The following ARHGEF18 variants were observed in gnomAD, a reference collection of about 807,000 sequenced individuals.
The protein encoded by ARHGEF18 is Rho/Rac guanine nucleotide exchange factor 18, also known as rho guanine nucleotide exchange factor 18.
A neutral mutation model predicts 155.7 loss-of-function variants in ARHGEF18; 93 were observed. The ratio of observed to expected loss-of-function variants is 0.60; its 90% CI spans 0.50 to 0.71. ARHGEF18 has a LOEUF of 0.71. Ranked by LOEUF, ARHGEF18 falls within the 30% of genes least tolerant of loss-of-function variation. The pLI, the probability that ARHGEF18 is intolerant of heterozygous loss-of-function variation, is 0.00. For missense variants in ARHGEF18, 1,593 were observed against 1,816.1 expected (o/e 0.88, Z 2.23); for synonymous variants, 742 against 753.1 (o/e 0.99, Z 0.24).
At chr19:7,409,164 A>T (rs1192232750) in intron 10 of ARHGEF18, among the ~76,000 whole-genome samples, 1 of 137,962 alleles carries the variant, frequency 7.2e-6, no homozygotes, top group Non-Finnish European at 1.5e-5. Flanking sequence ...GGTTCATGCC[A>T]TTCTCCTACC....
intron 2 of ARHGEF18, among the ~76,000 whole-genome samples, chr19:7,369,721 C>A (rs964412248): frequency 6.6e-6 from 1 of 151,950 alleles, no homozygotes; most frequent in Non-Finnish European, 1.5e-5. Context: ...TGTTTGAACC[C>A]GGGAGGCAGA....
intron 10 of ARHGEF18, among the ~76,000 whole-genome samples, chr19:7,390,233 G>A (rs59454828): frequency 0.11 from 17,238 of 152,124 alleles, 1,844 homozygotes; most frequent in African/African-American, 0.28. Context: ...AAGGCTGGGC[G>A]TGGTGGCTTA....
chr19:7,406,150 G>A (rs1054566550), intron 10 of ARHGEF18, among the ~76,000 whole-genome samples: 5 of 151,858 alleles, frequency 3.3e-5, no homozygotes, highest in African/African-American at 9.7e-5. Context: ...GCGCTATCTC[G>A]GCTCACTGCA....
At chr19:7,432,353 A>G (rs1974014681) in intron 10 of ARHGEF18, among the ~76,000 whole-genome samples, 1 of 152,218 alleles carries the variant, frequency 6.6e-6, no homozygotes. Context: ...GTCTTGGCTG[A>G]AACAAAGAAC....
intron 2 of ARHGEF18, among the ~76,000 whole-genome samples, chr19:7,368,316 C>G (rs1970036542): frequency 6.6e-6 from 1 of 152,092 alleles, no homozygotes; most frequent in Non-Finnish European, 1.5e-5. Flanking sequence ...CAAGGCTCCC[C>G]CAGGTCTAGG....
rs375510630 is a variant in ARHGEF18, at chr19:7,377,936, C to T, written c.542-458C>T. Among the ~76,000 whole-genome samples, 136 of 151,908 alleles carry T rather than the reference C, an allele frequency of 9.0e-4. 1 individual carries two copies. The highest frequency in any genetic ancestry group is 2.1e-3 in the East Asian group (11 of 5,150). On this transcript the variant is annotated intron_variant, in intron 5 of 28. Coordinates refer to ENST00000668164, the MANE Select transcript of ARHGEF18 (RefSeq NM_001367823.1). The stretch of plus-strand genomic sequence containing the variant: ...CCCGTCTCTACTAAAAATATAAAAA[C>T]GCAAGAATTAGTCGGGCATGGTGGT...
rs143164298 is a variant in ARHGEF18, at chr19:7,397,268, T to G, written c.967+14065T>G. On this transcript the variant is annotated intron_variant, in intron 10 of 28. Coordinates refer to ENST00000668164, the MANE Select transcript of ARHGEF18 (RefSeq NM_001367823.1). ...ATTAGTATGTGATTTTACTTAAAATTTTTTTTTTCTTTTTAGAGACAGGGT... is the reference window on the plus strand; with the variant it reads ...ATTAGTATGTGATTTTACTTAAAATGTTTTTTTTCTTTTTAGAGACAGGGT... 8.7e-3 allele frequency among the ~76,000 whole-genome samples: 1,315 copies of G among 151,676 alleles called. 24 individuals are homozygous for G. Among genetic ancestry groups the G allele is most frequent in the African/African-American group, 0.03 (1,240 of 41,354 alleles).
At chr19:7,478,400 G>A in the ARHGEF18 span, 1 of 1,598,962 alleles carries the variant, frequency 6.3e-7, no homozygotes, top group Non-Finnish European at 8.5e-7. Flanking sequence ...GCCCGAGGGA[G>A]GATGCCCCGG....
chr19:7,469,944 C>G lies in ARHGEF18; in HGVS notation c.3828C>G (p.Leu1276=), dbSNP rs1976914294. 1.2e-6 allele frequency: 2 copies of G among 1,612,980 alleles called. No homozygotes were observed. The highest frequency in any genetic ancestry group is 2.7e-5 in the African/African-American group (2 of 74,888). ...AGCAGCAGCTGCTGCTCAACAAGCT[C>G]ATGGGGAAAGATGAGAGCACCTCAC... ...DLKQQLLLNK[L]MGKDESTSRN... is the part of the protein sequence containing the mutation. Residue 1276 remains leucine (L), a synonymous_variant, in exon 28 of 29, where the codon CTC becomes CTG. Coordinates refer to ENST00000668164, the MANE Select transcript of ARHGEF18 (RefSeq NM_001367823.1).
chr19:7,456,285 T>C (rs2145856494), intron 17 of ARHGEF18, 42 bp from the exon 18 acceptor site: 1 of 1,598,136 alleles, frequency 6.3e-7, no homozygotes, highest in South Asian at 1.1e-5. Flanking sequence ...ACCTCCTGGC[T>C]ATGGGACTTT....
At chr19:7,478,878 G>C in the ARHGEF18 span, among the ~76,000 whole-genome samples, 1 of 152,162 alleles carries the variant, frequency 6.6e-6, no homozygotes, top group Non-Finnish European at 1.5e-5. Flanking sequence ...TGATCCCCTG[G>C]GCCCCCAGGG....
At chr19:7,364,402 A>AAGGAAGGAAGGCAGGAAGGCAGGC (rs36151895) in intron 2 of ARHGEF18, among the ~76,000 whole-genome samples, 1 of 129,648 alleles carries the variant, frequency 7.7e-6, no homozygotes, top group Non-Finnish European at 1.7e-5. Flanking sequence ...GGAAGGAAGG[A>AAGGAAGGAAGGCAGGAAGGCAGGC]AGGCAGGCTG....
At chr19:7,450,623 C>CGCG (rs1568347694) in intron 15 of ARHGEF18, among the ~76,000 whole-genome samples, 1 of 102 alleles carries the variant, frequency 9.8e-3, no homozygotes, top group African/African-American at 0.018. Flanking sequence ...TCTTGCTTTC[C>CGCG]ATTTCCATTT....
chr19:7,357,416 G>T (rs1347647042), intron 1 of ARHGEF18, among the ~76,000 whole-genome samples: 1 of 152,192 alleles, frequency 6.6e-6, no homozygotes, highest in Non-Finnish European at 1.5e-5. Flanking sequence ...GTGGGGGAGT[G>T]AGCTGTGGGA....
At chr19:7,435,219 A>G (rs1450016323) in intron 10 of ARHGEF18, among the ~76,000 whole-genome samples, 1 of 151,566 alleles carries the variant, frequency 6.6e-6, no homozygotes, top group Non-Finnish European at 1.5e-5. Flanking sequence ...AAGGCGTCAG[A>G]AGATCTGAGG....
chr19:7,445,918 T>A (rs945776267), intron 14 of ARHGEF18, among the ~76,000 whole-genome samples: 2 of 152,188 alleles, frequency 1.3e-5, no homozygotes, highest in African/African-American at 4.8e-5. Flanking sequence ...CCACTGCGCC[T>A]GGCCTGCTTT....
intron 20 of ARHGEF18, 99 bp downstream of exon 20, chr19:7,460,093 C>G: frequency 8.4e-7 from 1 of 1,194,194 alleles, no homozygotes; most frequent in Non-Finnish European, 1.2e-6. Context: ...CCAGGTGACC[C>G]GGTGTTTTCC....
At chr19:7,465,597 C>T (rs114844190) in intron 23 of ARHGEF18, among the ~76,000 whole-genome samples, 233 of 151,980 alleles carry the variant, frequency 1.5e-3, no homozygotes, top group African/African-American at 5.3e-3. Context: ...TTGGTAGATA[C>T]AGGGTCTCAC....
rs1976117277 is a variant in ARHGEF18 at position 7,460,079 on chromosome 19, C to T, written c.2452+85C>T. The T allele has an allele frequency of 2.3e-6, 3 of 1,299,362 alleles. No individual in the cohort carries two copies. In the East Asian group the frequency reaches 7.8e-5, roughly 34 times the overall value. 80.5% of individuals were successfully genotyped at this position (1,299,362 alleles called of 1,614,324 possible). A position where few individuals can be genotyped will look rare whatever the true frequency, so the allele number is the denominator to read the frequency against. On this transcript the variant is annotated intron_variant, in intron 20 of 28. Coordinates refer to ENST00000668164, the MANE Select transcript of ARHGEF18 (RefSeq NM_001367823.1). ...AGGACTGGCCACAGAGGGTGAACTG[C>T]CCCCCAGGTGACCCGGTGTTTTCCC...
Sources: gnomAD v4.1 joint callset for allele counts (sites outside exome capture counted in the v4.1 genomes callset) on GRCh38, gnomAD v4.1.1 for gene constraint, MANE v1.5 for transcripts, NCBI Gene and HGNC (gene_info 2026-07-23, HGNC 2026-07-21) for gene names.